PALM3: variants seen among roughly 807,000 people sequenced by gnomAD.
PALM3 encodes paralemmin-3.
PALM3 carries 20 observed loss-of-function variants against 27.9 expected under a neutral mutation model. The ratio of observed to expected loss-of-function variants is 0.72; its 90% CI spans 0.50 to 1.04. PALM3 has a LOEUF of 1.04. PALM3 is among the 50% of genes least tolerant of loss of function. The pLI, the probability that PALM3 is intolerant of heterozygous loss-of-function variation, is 0.00. For synonymous variants in PALM3, 328 were observed against 352.7 expected (o/e 0.93, Z 0.79); for missense variants, 814 against 869.4 (o/e 0.94, Z 0.80).
At position 14,054,246 on chromosome 19, in the gene PALM3, C is replaced by T. The variant is rs762322501; in HGVS notation, c.1426G>A (p.Glu476Lys). 3.3e-5 allele frequency: 51 copies of T among 1,552,050 alleles called. No homozygotes were observed. The highest frequency in any genetic ancestry group is 4.4e-5 in the Non-Finnish European group (51 of 1,147,114). ...TCCTTCTCTGCCCTCAAATGTCCCT[C>T]AACTTTTCTCTCTATGCCCAGTGGT... Reference protein sequence around the residue: ...EEPLGIERKVEGHLRAEKEGD... With the variant: ...EEPLGIERKVKGHLRAEKEGD... Residue 476 changes from glutamate to lysine, a missense_variant, in exon 7 of 7, where the codon GAG becomes AAG. Glu to Lys is a moderately conservative substitution (Grantham distance 56). Transcript: ENST00000669674.
rs1269937599 is a variant in PALM3 at position 14,054,816 on chromosome 19, T to G, written c.856A>C (p.Arg286=). The G allele has an allele frequency of 1.4e-6, 2 of 1,466,738 alleles. No homozygotes were observed. Among genetic ancestry groups the G allele is most frequent in the East Asian group, 5.4e-5 (2 of 36,952 alleles). 90.9% of individuals were successfully genotyped at this position (1,466,738 alleles called of 1,614,324 possible). The part of the protein sequence containing the change: ...LELPAWVKED[R]GIVEVVWEGV... ...TCCCAGACCACCTCCACGATGCCCCTGTCCTCCTTCACCCAGGCCGGGAGC... is the reference window on the plus strand; with the variant it reads ...TCCCAGACCACCTCCACGATGCCCCGGTCCTCCTTCACCCAGGCCGGGAGC... The change falls in exon 7 of 7, where the codon AGG becomes CGG. Residue 286 remains arginine (R), a synonymous_variant. Transcript: ENST00000669674.
At chr19:14,056,987 T>C in intron 3 of PALM3, 183 bp from the exon 4 acceptor site, 1 of 659,914 alleles carries the variant, frequency 1.5e-6, no homozygotes, top group Non-Finnish European at 2.5e-6. Flanking sequence ...AGACATCCCT[T>C]GTTCCAAACC....
In PALM3 at chr19:14,061,938, A is replaced by C; in HGVS notation, c.41+2T>G. 1 of 985,026 alleles carries C rather than the reference A, an allele frequency of 1.0e-6. No individual in the cohort carries two copies. Among genetic ancestry groups the C allele is most frequent in the Non-Finnish European group, 1.2e-6 (1 of 829,690 alleles). 61.0% of individuals were successfully genotyped at this position (985,026 alleles called of 1,614,324 possible). On this transcript the variant is annotated splice_donor_variant, in intron 1 of 6. Coordinates refer to ENST00000669674, the MANE Select transcript of PALM3 (RefSeq NM_001145028.2). LOFTEE classifies it high-confidence loss of function. ...AGCCCCCCTGACCCCCCAGACACTTACATGGGTGTGGCCAGAGACCACACC... is the reference window on the plus strand; with the variant it reads ...AGCCCCCCTGACCCCCCAGACACTTCCATGGGTGTGGCCAGAGACCACACC...
At chr19:14,057,198 T>A (rs1327026508) in intron 3 of PALM3, among the ~76,000 whole-genome samples, 153 bp downstream of exon 3, 2 of 150,934 alleles carry the variant, frequency 1.3e-5, no homozygotes, top group Non-Finnish European at 2.9e-5. Flanking sequence ...GGGAAAGACA[T>A]ACCCCGCCCC....
In PALM3 at chr19:14,056,598, C is replaced by G; in HGVS notation, c.314+64G>C. ...CAAGCGACCACCTCCTTGGAATGTG[C>G]CCAGGGTCTCGATCTCACCCAGCTG... On this transcript the variant is annotated intron_variant, in intron 4 of 6. Transcript: ENST00000669674. 9 of 1,551,242 alleles carry G rather than the reference C, an allele frequency of 5.8e-6. No individual in the cohort carries two copies. The South Asian group carries it at 1.1e-4, about 18-fold the overall frequency.
At position 14,054,490 on chromosome 19, in the gene PALM3, G is replaced by A. The variant is rs902076697; in HGVS notation, c.1182C>T (p.Ala394=). The part of the protein sequence containing the change: ...RERGDESPLG[A]EGAKTGGGEE... ...CGCCTCCTCCCGTCTTGGCCCCCTC[G>A]GCCCCCAGCGGGCTTTCATCTCCTC... is the stretch of plus-strand genomic sequence containing the variant. The change falls in exon 7 of 7, where the codon GCC becomes GCT. Residue 394 remains alanine (A), a synonymous_variant. Transcript: ENST00000669674. 12 of 1,550,532 alleles carry A rather than the reference G, an allele frequency of 7.7e-6. No homozygotes were observed. Among genetic ancestry groups the A allele is most frequent in the African/African-American group, 1.4e-5 (1 of 72,922 alleles).
At chr19:14,059,902 C>T (rs1976388834) in intron 1 of PALM3, among the ~76,000 whole-genome samples, 2 of 152,142 alleles carry the variant, frequency 1.3e-5, no homozygotes, top group African/African-American at 4.8e-5. Flanking sequence ...CGAGATTCCC[C>T]TGTCATTGTC....
rs187065114 is a variant in PALM3, at chr19:14,056,203, C to T, written c.399+226G>A. On this transcript the variant is annotated intron_variant, in intron 5 of 6. Coordinates refer to ENST00000669674, the MANE Select transcript of PALM3 (RefSeq NM_001145028.2). ...GGATTACAGGCGTGAGCCACCATGC[C>T]TGGCCTATACTGTTGTTATTCCCAT... is the stretch of plus-strand genomic sequence containing the variant. 1.1e-4 allele frequency among the ~76,000 whole-genome samples: 16 copies of T among 152,326 alleles called. No individual in the cohort carries two copies. In the East Asian group the frequency reaches 1.3e-3, roughly 13 times the overall value.
chr19:14,057,189 G>A (rs917309187), intron 3 of PALM3, among the ~76,000 whole-genome samples, 162 bp downstream of exon 3: 4 of 151,996 alleles, frequency 2.6e-5, no homozygotes, highest in African/African-American at 7.3e-5. Context: ...TCCCAGGCTG[G>A]GAAAGACATA....
At chr19:14,059,086 GC>G in intron 2 of PALM3, 28 bp downstream of exon 2, 2 of 1,453,348 alleles carry the variant, frequency 1.4e-6, no homozygotes, top group Non-Finnish European at 1.8e-6. Flanking sequence ...GTTTGGGGGT[GC>G]CCAGGGCGCG....
In PALM3 at chr19:14,056,644, TAGA is replaced by T; in HGVS notation, c.314+15_314+17del. The T allele has an allele frequency of 2.6e-6, 4 of 1,551,762 alleles. No homozygotes were observed. Among genetic ancestry groups the T allele is most frequent in the Non-Finnish European group, 3.5e-6 (4 of 1,146,994 alleles). ...AGCTGGGGCAGGGTTCGGGCAGAGC[TAGA>T]AGGTCTCCACTCACGTGAACAAACT... On this transcript the variant is annotated intron_variant, in intron 4 of 6. Transcript: ENST00000669674.
rs1284857011 is a variant in PALM3, at chr19:14,054,539, C to T, written c.1133G>A (p.Gly378Glu). Residue 378 changes from glycine (G) to glutamate (E), a missense_variant, in exon 7 of 7, where the codon GGG (glycine) becomes GAG (glutamate). Coordinates refer to ENST00000669674, the MANE Select transcript of PALM3 (RefSeq NM_001145028.2). ...TCTCTCCCTCCCTGCCACCTCGGGC[C>T]CTTCCAACCCCTCCACCAGCAGCTC... is the stretch of plus-strand genomic sequence containing the variant. ...WEELLVEGLE[G>E]PEVAGRERGD... The T allele has an allele frequency of 6.4e-7, 1 of 1,551,734 alleles. No individual in the cohort carries two copies. The highest frequency in any genetic ancestry group is 2.0e-5 in the Admixed American group (1 of 50,988).
intron 5 of PALM3, 102 bp from the exon 6 acceptor site, chr19:14,055,527 G>T: frequency 8.9e-7 from 1 of 1,128,120 alleles, no homozygotes; most frequent in Non-Finnish European, 1.3e-6. Context: ...ACCCTCAGTG[G>T]CTCTCTATTA....
rs1374220422 is a variant in PALM3, at chr19:14,054,062, C to A, written c.1610G>T (p.Gly537Val). The change falls in exon 7 of 7, where the codon GGT becomes GTT. Residue 537 changes from glycine to valine, a missense_variant. By Grantham distance (109) the Gly-to-Val change is moderately radical. Coordinates refer to ENST00000669674, the MANE Select transcript of PALM3 (RefSeq NM_001145028.2). ...CTTCTCTGTCTCCAATGATTCCTCA[C>A]CTCCCCTTTTCTCTGCCTCCAGTGT... Reference protein sequence around the residue: ...EETLEAEKRGGEESLETEKTQ... With the variant: ...EETLEAEKRGVEESLETEKTQ... 6.4e-7 allele frequency: 1 copy of A among 1,551,768 alleles called. No individual in the cohort carries two copies. Among genetic ancestry groups the A allele is most frequent in the Non-Finnish European group, 8.7e-7 (1 of 1,146,986 alleles).
chr19:14,054,870 C>A lies in PALM3; in HGVS notation c.802G>T (p.Gly268Ter). 1.3e-6 allele frequency: 2 copies of A among 1,549,310 alleles called. No homozygotes were observed. The highest frequency in any genetic ancestry group is 1.7e-6 in the Non-Finnish European group (2 of 1,146,642). ...AGGCTACCAGCTCCCTTCCTGTCTCCGATGGCTTCCAGCACCACTTCCTCC... is the reference window on the plus strand; with the variant it reads ...AGGCTACCAGCTCCCTTCCTGTCTCAGATGGCTTCCAGCACCACTTCCTCC... Reference protein sequence around the residue: ...KVEEVVLEAIGDRKGAGSLEL... With the variant: ...KVEEVVLEAI The change falls in exon 7 of 7, where the codon GGA becomes TGA. Residue 268 changes from glycine to a stop codon, truncating the protein, a stop_gained. Transcript: ENST00000669674. LOFTEE classifies it low-confidence loss of function (END_TRUNC).
rs1466559013 is a variant in PALM3 at position 14,054,263 on chromosome 19, C to T, written c.1409G>A (p.Gly470Asp). The change falls in exon 7 of 7, where the codon GGC becomes GAC. Residue 470 changes from glycine to aspartate, a missense_variant. By Grantham distance (94) the Gly-to-Asp change is moderately conservative (BLOSUM62 -1). Transcript: ENST00000669674. The part of the protein sequence containing the change: ...TEREGGEEPL[G>D]IERKVEGHLR... ...ATGTCCCTCAACTTTTCTCTCTATG[C>T]CCAGTGGTTCCTCACCTCCTTCCCT... 1.3e-6 allele frequency: 2 copies of T among 1,552,008 alleles called. No individual in the cohort carries two copies. The highest frequency in any genetic ancestry group is 2.4e-5 in the South Asian group (2 of 84,032).
At chr19:14,056,926 ACAT>A (rs1228920098) in intron 3 of PALM3, 122 bp from the exon 4 acceptor site, 1 of 1,041,470 alleles carries the variant, frequency 9.6e-7, no homozygotes, top group Non-Finnish European at 1.4e-6. Flanking sequence ...GTTGCGACAT[ACAT>A]CAGGCTGGGA....
intron 1 of PALM3, among the ~76,000 whole-genome samples, chr19:14,059,436 CA>C (rs1976379302): frequency 6.6e-6 from 1 of 152,034 alleles, no homozygotes; most frequent in Non-Finnish European, 1.5e-5. Flanking sequence ...ATAGCTTGAC[CA>C]CCCTGTCCTT....
Position 14,053,426 on chromosome 19 carries a change from G to T in PALM3, c.*179C>A, listed in dbSNP as rs1976218785. ...GGCTTCATCGCAGAAGGAGGCCAGG[G>T]TTACAGGCAGTGGGCAAGGGGTCTG... On this transcript the variant is annotated 3_prime_UTR_variant, in exon 7 of 7. Transcript: ENST00000669674. 5.0e-6 allele frequency: 3 copies of T among 600,510 alleles called. No individual in the cohort carries two copies. The highest frequency in any genetic ancestry group is 8.0e-6 in the Non-Finnish European group (3 of 376,240). The allele number at this position is 600,510 out of a possible 1,614,324, so 37.2% of individuals were successfully genotyped here.
Sources: gnomAD v4.1 joint callset for allele counts (sites outside exome capture counted in the v4.1 genomes callset) on GRCh38, gnomAD v4.1.1 for gene constraint, MANE v1.5 for transcripts, NCBI Gene and HGNC (gene_info 2026-07-23, HGNC 2026-07-21) for gene names.